Variants in TTC28 observed in about 807,000 individuals in gnomAD.
TTC28 encodes tetratricopeptide repeat domain 28, also known as tetratricopeptide repeat protein 28.
In TTC28, 61 loss-of-function variants were observed where a neutral mutation model predicts 198.0. The ratio of observed to expected loss-of-function variants is 0.31; its 90% CI spans 0.25 to 0.38. TTC28 has a LOEUF of 0.38. Among genes scored for constraint, TTC28 ranks in the 10% least tolerant of loss-of-function variants. The pLI, the probability that TTC28 is intolerant of heterozygous loss-of-function variation, is 1.00. For synonymous variants in TTC28, 1,171 were observed against 1,297.8 expected, an observed-to-expected ratio of 0.90 and a Z score of 2.10; for missense variants, 2,678 against 3,164.0, an observed-to-expected ratio of 0.85 and a Z score of 3.69.
chr22:28,225,008 G>T (rs9625433), intron 5 of TTC28, among the ~76,000 whole-genome samples: 11 of 151,894 alleles, frequency 7.2e-5, no homozygotes, highest in African/African-American at 2.7e-4. Flanking sequence ...TCCAGATCCC[G>T]TGCTCCTTAA....
chr22:28,371,509 C>CAGAAAAAAAA (rs1491398137), intron 2 of TTC28, among the ~76,000 whole-genome samples: 2 of 6,102 alleles, frequency 3.3e-4, no homozygotes, highest in Non-Finnish European at 5.8e-4. Flanking sequence ...GACCCTGTCT[C>CAGAAAAAAAA]AAAAAAAAAA....
At chr22:28,305,850 C>A (rs185719648) in intron 3 of TTC28, among the ~76,000 whole-genome samples, 1 of 152,292 alleles carries the variant, frequency 6.6e-6, no homozygotes, top group South Asian at 2.1e-4. Context: ...CCTCAGAACT[C>A]CTCCAACCTC....
chr22:28,320,916 T>C (rs187228451), intron 2 of TTC28, among the ~76,000 whole-genome samples: 110 of 152,322 alleles, frequency 7.2e-4, no homozygotes, highest in African/African-American at 2.4e-3. Context: ...TCTGGAGAGG[T>C]AGGAATATTT....
At chr22:28,035,172 G>A (rs1189360924) in intron 12 of TTC28, among the ~76,000 whole-genome samples, 4 of 152,114 alleles carry the variant, frequency 2.6e-5, no homozygotes, top group Non-Finnish European at 5.9e-5. Flanking sequence ...CTAACTCACT[G>A]TGTCTCCATT....
At chr22:28,190,379 G>A (rs1924618697) in intron 5 of TTC28, among the ~76,000 whole-genome samples, 1 of 152,170 alleles carries the variant, frequency 6.6e-6, no homozygotes, top group African/African-American at 2.4e-5. Flanking sequence ...GCTAGGATTT[G>A]AGCCCAGTCA....
intron 2 of TTC28, among the ~76,000 whole-genome samples, chr22:28,480,182 C>G (rs6005790): frequency 0.55 from 84,190 of 151,990 alleles, 23,809 homozygotes; most frequent in African/African-American, 0.6. Context: ...CAAGAGTGCT[C>G]CTACAAGCAT....
intron 2 of TTC28, among the ~76,000 whole-genome samples, chr22:28,437,187 A>C (rs2047533402): frequency 6.6e-6 from 1 of 151,936 alleles, no homozygotes. Context: ...GGTTCAAGCG[A>C]TTCTCGTGCC....
In TTC28 at chr22:28,096,401, A is replaced by T; in HGVS notation, c.3555T>A (p.His1185Gln). The T allele has an allele frequency of 1.3e-6, 2 of 1,551,218 alleles. No homozygotes were observed. The highest frequency in any genetic ancestry group is 2.7e-5 in the African/African-American group (2 of 73,144). The part of the protein sequence containing the change: ...LQRVLVSLGH[H>Q]DEALAVAERG... The stretch of plus-strand genomic sequence containing the variant: ...TTTCTGCCACAGCCAGGGCTTCATC[A>T]TGATGGCCTAGGAGACAAAGAGATA... The change falls in exon 11 of 23, where the codon CAT becomes CAA. Residue 1185 changes from histidine to glutamine, a missense_variant. Physicochemically the swap from His to Gln is conservative, Grantham distance 24 (BLOSUM62 0). This residue lies in a region of TTC28 where 727 missense variants were observed against 861.9 expected (regional missense o/e 0.84). Coordinates refer to ENST00000397906, the MANE Select transcript of TTC28 (RefSeq NM_001145418.2).
chr22:28,639,405 AG>A (rs2051326483), intron 1 of TTC28, among the ~76,000 whole-genome samples: 1 of 152,170 alleles, frequency 6.6e-6, no homozygotes, highest in South Asian at 2.1e-4. Context: ...ACGCCTAGAG[AG>A]TAGGATCTTT....
At chr22:28,088,371 T>C (rs1020878484) in intron 12 of TTC28, among the ~76,000 whole-genome samples, 10 of 151,406 alleles carry the variant, frequency 6.6e-5, no homozygotes, top group African/African-American at 2.2e-4. Context: ...TATCTACAAC[T>C]ATCTGATCTT....
intron 2 of TTC28, among the ~76,000 whole-genome samples, chr22:28,319,720 G>A (rs1019554126): frequency 2.0e-4 from 31 of 152,120 alleles, no homozygotes; most frequent in African/African-American, 6.3e-4. Context: ...TCACATTAGC[G>A]TATTGCTTTG....
At position 28,338,145 on chromosome 22, in the gene TTC28, C is replaced by A. The variant is rs184461183; in HGVS notation, c.382-31502G>T. Among the ~76,000 whole-genome samples the A allele has an allele frequency of 1.5e-3, 221 of 152,290 alleles. 4 individuals carry two copies. The highest frequency in any genetic ancestry group is 9.1e-3 in the South Asian group (44 of 4,814). Reference sequence around the variant, plus strand: ...GAAATTCTGGGTTGAAAATTCTTTTCTTTAAGAATGTTGAAAACTGGCCCC... The same window carrying A: ...GAAATTCTGGGTTGAAAATTCTTTTATTTAAGAATGTTGAAAACTGGCCCC... On this transcript the variant is annotated intron_variant, in intron 2 of 22. Transcript: ENST00000397906.
intron 6 of TTC28, among the ~76,000 whole-genome samples, chr22:28,145,874 T>G (rs886466461): frequency 1.3e-5 from 2 of 152,222 alleles, no homozygotes; most frequent in Non-Finnish European, 2.9e-5. Flanking sequence ...TACTAACTCA[T>G]TCAATCCTCA....
intron 2 of TTC28, among the ~76,000 whole-genome samples, chr22:28,531,149 A>C (rs1025153835): frequency 2.0e-5 from 3 of 152,184 alleles, no homozygotes; most frequent in African/African-American, 7.2e-5. Context: ...TCAGTGTGCT[A>C]TATTCAGGAG....
chr22:28,337,158 G>T (rs1287822509), intron 2 of TTC28, among the ~76,000 whole-genome samples: 2 of 152,182 alleles, frequency 1.3e-5, no homozygotes, highest in Non-Finnish European at 2.9e-5. Flanking sequence ...TTTTCAGTGA[G>T]TTTCTTAATC....
At chr22:28,414,791 A>G (rs1374365668) in intron 2 of TTC28, among the ~76,000 whole-genome samples, 1 of 152,234 alleles carries the variant, frequency 6.6e-6, no homozygotes, top group Non-Finnish European at 1.5e-5. Flanking sequence ...TAATTGTCTA[A>G]TAAATTCACA....
intron 5 of TTC28, among the ~76,000 whole-genome samples, chr22:28,248,553 T>C (rs989157006): frequency 1.3e-5 from 2 of 152,054 alleles, no homozygotes; most frequent in African/African-American, 4.8e-5. Context: ...TCCAGTTCAA[T>C]AGTTAAGAAA....
At chr22:28,000,425 G>C (rs1165321016) in intron 15 of TTC28, 1 of 152,468 alleles carries the variant, frequency 6.6e-6, no homozygotes, top group East Asian at 1.9e-4. Context: ...CCACCATAAA[G>C]AGGCCCATCT....
At chr22:27,987,803 CAA>C (rs1369760035) in intron 21 of TTC28, among the ~76,000 whole-genome samples, 1 of 152,200 alleles carries the variant, frequency 6.6e-6, no homozygotes, top group African/African-American at 2.4e-5. Flanking sequence ...ACAGAAGTGA[CAA>C]GAGAAGCATC....
Sources: gnomAD v4.1 joint callset for allele counts (sites outside exome capture counted in the v4.1 genomes callset) on GRCh38, gnomAD v4.1.1 for gene constraint, gnomAD v4.1.1 regional missense constraint, MANE v1.5 for transcripts, NCBI Gene and HGNC (gene_info 2026-07-23, HGNC 2026-07-21) for gene names.